Variants in TSHZ2 observed in about 807,000 individuals in gnomAD.
TSHZ2 encodes teashirt zinc finger homeobox 2.
In TSHZ2, 21 loss-of-function variants were observed where a neutral mutation model predicts 74.4. The observed-to-expected ratio is 0.28, with a 90% CI of 0.20 to 0.41. The LOEUF is 0.41. Among genes scored for constraint, TSHZ2 ranks in the 10% least tolerant of loss-of-function variants. The probability of loss-of-function intolerance (pLI) is 1.00; values close to 1 mark genes in which losing one functional copy is unlikely to be tolerated. For synonymous variants in TSHZ2, 540 were observed against 515.3 expected (o/e 1.05, Z -0.65); for missense variants, 1,244 against 1,293.5 (o/e 0.96, Z 0.59).
intron 2 of TSHZ2, among the ~76,000 whole-genome samples, chr20:53,373,383 A>G (rs778969492): frequency 9.2e-5 from 14 of 152,208 alleles, no homozygotes; most frequent in Admixed American, 3.9e-4. Context: ...AGGCCATCCA[A>G]TCATTCTGGG....
At chr20:53,118,703 G>GGAA (rs1170963275) in intron 1 of TSHZ2, among the ~76,000 whole-genome samples, 2 of 152,230 alleles carry the variant, frequency 1.3e-5, no homozygotes, top group African/African-American at 4.8e-5. Flanking sequence ...TCTGGAGGGG[G>GGAA]GAAGCTGTAA....
chr20:53,287,079 G>A (rs1275373609), intron 2 of TSHZ2, among the ~76,000 whole-genome samples: 1 of 152,104 alleles, frequency 6.6e-6, no homozygotes, highest in Admixed American at 6.5e-5. Context: ...AAAGATACAG[G>A]TGCACAAAAG....
At chr20:53,296,457 C>A (rs200633) in intron 2 of TSHZ2, among the ~76,000 whole-genome samples, 1 of 152,132 alleles carries the variant, frequency 6.6e-6, no homozygotes, top group Non-Finnish European at 1.5e-5. Flanking sequence ...GTGTTATCTC[C>A]CTCATCCATC....
At chr20:53,418,943 C>T (rs139148566) in intron 2 of TSHZ2, among the ~76,000 whole-genome samples, 1 of 152,262 alleles carries the variant, frequency 6.6e-6, no homozygotes, top group East Asian at 1.9e-4. Flanking sequence ...AAAATGTAAA[C>T]ATCCGGGTTC....
intron 1 of TSHZ2, among the ~76,000 whole-genome samples, chr20:53,226,935 G>A (rs1307968918): frequency 1.3e-5 from 2 of 152,160 alleles, no homozygotes; most frequent in Non-Finnish European, 2.9e-5. Flanking sequence ...TGTTGTTCGG[G>A]GAACTGAAAC....
chr20:53,297,508 G>A (rs949741589), intron 2 of TSHZ2, among the ~76,000 whole-genome samples: 2 of 152,074 alleles, frequency 1.3e-5, no homozygotes, highest in African/African-American at 4.8e-5. Context: ...TTATAGGCAT[G>A]AGCCTATAAA....
intron 2 of TSHZ2, among the ~76,000 whole-genome samples, chr20:53,293,764 TC>T (rs1488027422): frequency 6.7e-6 from 1 of 149,572 alleles, no homozygotes; most frequent in African/African-American, 2.5e-5. Context: ...ACACCTGTAA[TC>T]CCAGCACTTT....
intron 1 of TSHZ2, among the ~76,000 whole-genome samples, chr20:53,001,238 G>GTATA (rs1365265090): frequency 6.8e-6 from 1 of 146,148 alleles, no homozygotes; most frequent in African/African-American, 2.6e-5. Flanking sequence ...GTGTGTGTGT[G>GTATA]TGTGTGTGTG....
Position 53,226,743 on chromosome 20 carries a change from T to C in TSHZ2, c.41-26756T>C, listed in dbSNP as rs570069100. On this transcript the variant is annotated intron_variant, in intron 1 of 2. Transcript: ENST00000371497. ...GGTACCGTCCTGTGTTATCAGTGTT[T>C]AGTGGCCTCCTCAGCCTCTACCCAC... Among the ~76,000 whole-genome samples, 180 of 152,244 alleles carry C rather than the reference T, an allele frequency of 1.2e-3. 2 individuals are homozygous for C. Among genetic ancestry groups the C allele is most frequent in the African/African-American group, 4.1e-3 (169 of 41,540 alleles).
intron 1 of TSHZ2, among the ~76,000 whole-genome samples, chr20:53,005,489 C>G (rs955224547): frequency 6.6e-6 from 1 of 152,160 alleles, no homozygotes; most frequent in South Asian, 2.1e-4. Flanking sequence ...GGTCTTACCA[C>G]TGCTGTCCCC....
intron 1 of TSHZ2, among the ~76,000 whole-genome samples, chr20:53,250,290 A>G (rs918971101): frequency 1.3e-5 from 2 of 152,198 alleles, no homozygotes; most frequent in Non-Finnish European, 2.9e-5. Context: ...CTTGCCACTC[A>G]TCCACTTATC....
chr20:53,407,356 C>T (rs1982890394), intron 2 of TSHZ2, among the ~76,000 whole-genome samples: 1 of 152,146 alleles, frequency 6.6e-6, no homozygotes, highest in South Asian at 2.1e-4. Flanking sequence ...AGAGTTTCAC[C>T]TCCTCATTCC....
chr20:53,286,531 G>T (rs912257209), intron 2 of TSHZ2, among the ~76,000 whole-genome samples: 2 of 152,096 alleles, frequency 1.3e-5, no homozygotes. Flanking sequence ...TCTTAGGGCA[G>T]AAATAGCCGG....
rs1271905049 is a variant in TSHZ2 at position 53,461,067 on chromosome 20, A to G, written c.*9-26077A>G. On this transcript the variant is annotated intron_variant, in intron 2 of 2. Transcript: ENST00000371497. ...GCCTCCTTGAGCTGTGGTGGGCTCC[A>G]CCCAGTTCGAGCTTCCCGGCTGCTT... Among the ~76,000 whole-genome samples, 53 of 152,200 alleles carry G rather than the reference A, an allele frequency of 3.5e-4. No homozygotes were observed. The South Asian group carries it at 3.9e-3, about 11-fold the overall frequency.
intron 1 of TSHZ2, among the ~76,000 whole-genome samples, chr20:53,041,670 C>T (rs2123099600): frequency 6.6e-6 from 1 of 152,290 alleles, no homozygotes; most frequent in South Asian, 2.1e-4. Context: ...AGTAATTATC[C>T]CACACTGCAG....
intron 2 of TSHZ2, among the ~76,000 whole-genome samples, chr20:53,388,350 G>A (rs780153170): frequency 2.0e-5 from 3 of 152,240 alleles, no homozygotes; most frequent in Middle Eastern, 3.4e-3. Context: ...TTGGGTATTC[G>A]CTCTGTGGTG....
intron 1 of TSHZ2, among the ~76,000 whole-genome samples, chr20:53,212,992 A>G (rs1297517): frequency 0.69 from 104,195 of 151,914 alleles, 37,035 homozygotes; most frequent in East Asian, 0.92. Context: ...AGGGGGATCC[A>G]CTTCATAAGA....
chr20:53,251,529 G>A (rs577125610), intron 1 of TSHZ2, among the ~76,000 whole-genome samples: 1 of 152,096 alleles, frequency 6.6e-6, no homozygotes, highest in Admixed American at 6.6e-5. Flanking sequence ...GCTTATTAAT[G>A]GTTTTTTGAC....
intron 2 of TSHZ2, among the ~76,000 whole-genome samples, chr20:53,469,555 GGGAAGGAA>G (rs142116366): frequency 0.032 from 2,470 of 78,328 alleles, 183 homozygotes; most frequent in African/African-American, 0.066. Context: ...GAAAGAAGGA[GGGAAGGAA>G]GGAAGGAAGG....
Sources: gnomAD v4.1 joint callset for allele counts (sites outside exome capture counted in the v4.1 genomes callset) on GRCh38, gnomAD v4.1.1 for gene constraint, MANE v1.5 for transcripts, NCBI Gene and HGNC (gene_info 2026-07-23, HGNC 2026-07-21) for gene names.